BMAL2: variants seen among roughly 807,000 people sequenced by gnomAD.
BMAL2 encodes basic helix-loop-helix ARNT like 2.
chr12:27,355,212 C>T, the BMAL2 span, among the ~76,000 whole-genome samples: 2 of 152,136 alleles, frequency 1.3e-5, no homozygotes, highest in African/African-American at 2.4e-5. Context: ...GCTGCTGCAT[C>T]ATATTCTTAG....
At chr12:27,366,833 C>A in the BMAL2 span, among the ~76,000 whole-genome samples, 3 of 152,190 alleles carry the variant, frequency 2.0e-5, no homozygotes, top group Non-Finnish European at 4.4e-5. Context: ...TAACTGGACA[C>A]AGCTACATGA....
At chr12:27,406,215 A>G in the BMAL2 span, among the ~76,000 whole-genome samples, 1 of 152,222 alleles carries the variant, frequency 6.6e-6, no homozygotes, top group Non-Finnish European at 1.5e-5. Flanking sequence ...AAGGCAGGCC[A>G]ACATTCAGAT....
At chr12:27,388,592 G>A in the BMAL2 span, among the ~76,000 whole-genome samples, 2 of 152,072 alleles carry the variant, frequency 1.3e-5, no homozygotes, top group Non-Finnish European at 2.9e-5. Flanking sequence ...GAAGTCTAGG[G>A]AGTCAAAGGC....
chr12:27,350,466 G>C, the BMAL2 span, among the ~76,000 whole-genome samples: 5 of 152,196 alleles, frequency 3.3e-5, 1 homozygote, highest in South Asian at 4.1e-4. Flanking sequence ...TGTCCCGACT[G>C]TTTGGGAAAA....
At chr12:27,359,133 A>G in the BMAL2 span, among the ~76,000 whole-genome samples, 5 of 152,204 alleles carry the variant, frequency 3.3e-5, no homozygotes, top group Non-Finnish European at 7.3e-5. Context: ...TCCAAAGCAG[A>G]CAATCAAGTG....
the BMAL2 span, chr12:27,376,256 G>T: frequency 8.6e-7 from 1 of 1,156,298 alleles, no homozygotes; most frequent in South Asian, 1.4e-5. Context: ...TAGGATGATT[G>T]ATTGGACTTA....
chr12:27,370,195 A>C, the BMAL2 span: 1 of 1,613,940 alleles, frequency 6.2e-7, no homozygotes, highest in Non-Finnish European at 8.5e-7. Flanking sequence ...ATCTTCTTTC[A>C]ACAAGGATAG....
At chr12:27,378,943 A>G in the BMAL2 span, among the ~76,000 whole-genome samples, 1 of 152,184 alleles carries the variant, frequency 6.6e-6, no homozygotes, top group African/African-American at 2.4e-5. Context: ...GGGGTATCCA[A>G]TCGTTTGGTT....
chr12:27,346,943 A>G, the BMAL2 span, among the ~76,000 whole-genome samples: 1 of 152,128 alleles, frequency 6.6e-6, no homozygotes, highest in African/African-American at 2.4e-5. Context: ...TGCTAAAAAG[A>G]GCCTGGTGCA....
At chr12:27,399,631 C>CA in the BMAL2 span, among the ~76,000 whole-genome samples, 5 of 152,156 alleles carry the variant, frequency 3.3e-5, no homozygotes, top group Non-Finnish European at 7.4e-5. Flanking sequence ...TCTATTTAAA[C>CA]AAAAATTTAA....
the BMAL2 span, among the ~76,000 whole-genome samples, chr12:27,340,884 G>A: frequency 6.6e-6 from 1 of 152,078 alleles, no homozygotes; most frequent in East Asian, 1.9e-4. Context: ...GAATGGGACT[G>A]CATGCCTGAT....
the BMAL2 span, chr12:27,400,900 A>G: frequency 2.2e-6 from 2 of 928,812 alleles, no homozygotes; most frequent in Middle Eastern, 3.5e-4. Context: ...AATAAAGTTT[A>G]AATGAAATAA....
chr12:27,356,556 A>G, the BMAL2 span, among the ~76,000 whole-genome samples: 1 of 152,318 alleles, frequency 6.6e-6, no homozygotes, highest in East Asian at 1.9e-4. Flanking sequence ...TTACAAAAGT[A>G]AGACGTGATA....
At chr12:27,400,591 A>G in the BMAL2 span, 8 of 1,613,924 alleles carry the variant, frequency 5.0e-6, no homozygotes, top group Non-Finnish European at 5.9e-6. Context: ...TGGCCTCCAA[A>G]TATTGTTGGA....
the BMAL2 span, among the ~76,000 whole-genome samples, chr12:27,335,762 A>G: frequency 6.6e-6 from 1 of 151,918 alleles, no homozygotes; most frequent in Non-Finnish European, 1.5e-5. Flanking sequence ...GGTGTGAAGT[A>G]AAGAGAGGAG....
At chr12:27,401,220 C>T in the BMAL2 span, 2 of 1,503,962 alleles carry the variant, frequency 1.3e-6, no homozygotes, top group South Asian at 2.3e-5. Context: ...GGAGTACACT[C>T]ACCACTTCTG....
chr12:27,363,076 C>T, the BMAL2 span, among the ~76,000 whole-genome samples: 1 of 152,142 alleles, frequency 6.6e-6, no homozygotes, highest in Non-Finnish European at 1.5e-5. Context: ...AGTCTTCATG[C>T]TGGGATTACA....
chr12:27,374,560 T>C, the BMAL2 span, among the ~76,000 whole-genome samples: 1 of 152,322 alleles, frequency 6.6e-6, no homozygotes, highest in East Asian at 1.9e-4. Context: ...GGAAGAAAAT[T>C]ATTCATCTGT....
the BMAL2 span, among the ~76,000 whole-genome samples, chr12:27,385,859 C>T: frequency 2.0e-5 from 3 of 152,068 alleles, no homozygotes; most frequent in African/African-American, 7.2e-5. Context: ...TGATCACCAC[C>T]TCCTTCAAAG....
Sources: gnomAD v4.1 joint callset for allele counts (sites outside exome capture counted in the v4.1 genomes callset) on GRCh38, gnomAD v4.1.1 for gene constraint, MANE v1.5 for transcripts, NCBI Gene and HGNC (gene_info 2026-07-23, HGNC 2026-07-21) for gene names.